The following BRF1 variants were observed in gnomAD, a reference collection of about 807,000 sequenced individuals.
The protein encoded by BRF1 is BRF1 general transcription factor IIIB subunit, also known as transcription factor IIIB 90 kDa subunit.
Under a neutral mutation model 81.7 loss-of-function variants are expected in BRF1, and 59 were observed. The ratio of observed to expected loss-of-function variants is 0.72; its 90% CI spans 0.59 to 0.90. The LOEUF is 0.90. Ranked by LOEUF, BRF1 falls within the 40% of genes least tolerant of loss-of-function variation. The probability of loss-of-function intolerance (pLI) is 0.00; values close to 1 mark genes in which losing one functional copy is unlikely to be tolerated. For missense variants in BRF1, 1,050 were observed against 936.3 expected, an observed-to-expected ratio of 1.12 and a Z score of -1.58; for synonymous variants, 491 against 395.6, an observed-to-expected ratio of 1.24 and a Z score of -2.86.
intron 8 of BRF1, 101 bp downstream of exon 8, chr14:105,226,533 C>G: frequency 6.4e-7 from 1 of 1,573,738 alleles, no homozygotes; most frequent in Non-Finnish European, 8.6e-7. Context: ...GGCTATGAGG[C>G]TTTGGGATGG....
In BRF1 at chr14:105,241,312, C is replaced by G. The variant is rs757115243; in HGVS notation, c.647G>C (p.Arg216Pro). 1.2e-6 allele frequency: 2 copies of G among 1,612,700 alleles called. No homozygotes were observed. The highest frequency in any genetic ancestry group is 2.2e-5 in the East Asian group (1 of 44,888). Residue 216 changes from arginine (R) to proline (P), a missense_variant, in exon 6 of 18, where the codon CGG becomes CCG. Arg to Pro is a moderately radical substitution (Grantham distance 103, BLOSUM62 -2). Around this residue, in one of 2 missense-constraint regions of BRF1, gnomAD observed 1,043 missense variants for 915.4 expected, o/e 1.14. Transcript: ENST00000547530. ...GCGCCGGCCTGTGTGCATCCAGTCC[C>G]GCTTCATCCTCTGTAGGAGCCTCAG... Reference protein sequence around the residue: ...TALRLLQRMKRDWMHTGRRPS... With the variant: ...TALRLLQRMKPDWMHTGRRPS...
At chr14:105,217,996 C>T (rs905098505) in intron 14 of BRF1, among the ~76,000 whole-genome samples, 196 bp from the exon 15 acceptor site, 1 of 152,116 alleles carries the variant, frequency 6.6e-6, no homozygotes, top group Middle Eastern at 3.2e-3. Context: ...ATCCTGCCCT[C>T]CCAGGTGAGT....
At chr14:105,254,247 G>GT (rs587740820) in intron 4 of BRF1, among the ~76,000 whole-genome samples, 110 of 152,266 alleles carry the variant, frequency 7.2e-4, no homozygotes, top group Non-Finnish European at 1.2e-3. Context: ...AACGCGTGCA[G>GT]TTTTTTTGTT....
chr14:105,302,430 C>T (rs1230905147), upstream of BRF1, among the ~76,000 whole-genome samples: 3 of 151,808 alleles, frequency 2.0e-5, no homozygotes, highest in Admixed American at 6.6e-5. Flanking sequence ...CTTGAACTCC[C>T]GACCTCAGGT....
chr14:105,291,398 G>A (rs1290387700), intron 1 of BRF1, among the ~76,000 whole-genome samples: 1 of 152,200 alleles, frequency 6.6e-6, no homozygotes, highest in Non-Finnish European at 1.5e-5. Flanking sequence ...AACTGGGGGC[G>A]GGCTCAGTGG....
At chr14:105,252,481 C>T (rs200105747) in intron 5 of BRF1, 26 bp downstream of exon 5, 9 of 1,611,846 alleles carry the variant, frequency 5.6e-6, no homozygotes, top group South Asian at 4.4e-5. Flanking sequence ...CTGCCGGACA[C>T]CCCAGCATCT....
upstream of BRF1, among the ~76,000 whole-genome samples, chr14:105,304,357 G>A: frequency 6.6e-6 from 1 of 152,090 alleles, no homozygotes; most frequent in Non-Finnish European, 1.5e-5. Context: ...GTGTGATGGT[G>A]GGCGCCTGTA....
Position 105,226,231 on chromosome 14 carries a change from T to TG in BRF1, c.955+19dup, listed in dbSNP as rs753149181. ...TTCCCAACAAAACAGAAGCATTACA[T>TG]GGGAAGATTGGTTGGTTACCTTCAA... On this transcript the variant is annotated intron_variant, in intron 9 of 17. Coordinates refer to ENST00000547530, the MANE Select transcript of BRF1 (RefSeq NM_001519.4). 5.0e-6 allele frequency: 8 copies of TG among 1,614,096 alleles called. No individual in the cohort carries two copies. The highest frequency in any genetic ancestry group is 6.8e-6 in the Non-Finnish European group (8 of 1,180,020).
intron 3 of BRF1, among the ~76,000 whole-genome samples, chr14:105,260,570 T>C (rs1472571590): frequency 6.6e-6 from 1 of 152,064 alleles, no homozygotes; most frequent in African/African-American, 2.4e-5. Flanking sequence ...GAGATGGGGT[T>C]TCACCATGTT....
At chr14:105,303,732 C>T (rs1369227994), upstream of BRF1, among the ~76,000 whole-genome samples, 1 of 152,162 alleles carries the variant, frequency 6.6e-6, no homozygotes, top group Non-Finnish European at 1.5e-5. Flanking sequence ...CCTCCCGGAT[C>T]CAAGGGTTAT....
chr14:105,307,732 C>T (rs145021392), intron 1 of BRF1, among the ~76,000 whole-genome samples: 148 of 152,334 alleles, frequency 9.7e-4, no homozygotes, highest in African/African-American at 3.4e-3. Context: ...TCCTCATCTG[C>T]ATAACAGGGA....
At chr14:105,307,494 C>G (rs587700673) in intron 1 of BRF1, among the ~76,000 whole-genome samples, 6 of 152,290 alleles carry the variant, frequency 3.9e-5, no homozygotes, top group Admixed American at 3.9e-4. Flanking sequence ...TCCCCACGTG[C>G]CCCTCCTCCT....
chr14:105,297,659 T>C (rs771158090), intron 1 of BRF1, among the ~76,000 whole-genome samples: 26 of 152,118 alleles, frequency 1.7e-4, no homozygotes, highest in Admixed American at 5.9e-4. Context: ...ACCAGGACTT[T>C]TGTACAGGTT....
chr14:105,300,303 A>G, intron 1 of BRF1, 143 bp downstream of exon 1: 2 of 950,300 alleles, frequency 2.1e-6, no homozygotes, highest in Non-Finnish European at 1.4e-6. Flanking sequence ...AAGGGGATCC[A>G]CACTCGCGCC....
chr14:105,215,710 GCACACACACACATGCA>G (rs1891064290), intron 15 of BRF1, among the ~76,000 whole-genome samples: 1 of 80,060 alleles, frequency 1.2e-5, no homozygotes. Flanking sequence ...ATGCACACAG[GCACACACACACATGCA>G]CACACACACA....
Position 105,210,689 on chromosome 14 carries a change from G to C in BRF1, c.1997-101C>G. 1 of 1,374,444 alleles carries C rather than the reference G, an allele frequency of 7.3e-7. No individual in the cohort carries two copies. The highest frequency in any genetic ancestry group is 1.0e-6 in the Non-Finnish European group (1 of 1,002,354). 85.1% of individuals were successfully genotyped at this position (1,374,444 alleles called of 1,614,324 possible). Reference sequence around the variant, plus strand: ...CCTGGTGCCCCCCTAGAAGACTCAGGCTCCAGCCCCAGCCCCAGCCCCCCG... The same window carrying C: ...CCTGGTGCCCCCCTAGAAGACTCAGCCTCCAGCCCCAGCCCCAGCCCCCCG... On this transcript the variant is annotated intron_variant, in intron 17 of 17. Coordinates refer to ENST00000547530, the MANE Select transcript of BRF1 (RefSeq NM_001519.4). This position sits in a 1 kb window ranked among gnomAD's most constrained non-coding sequence, Gnocchi z 4.7.
intron 2 of BRF1, among the ~76,000 whole-genome samples, chr14:105,281,045 C>G (rs1338086563): frequency 3.1e-5 from 4 of 128,388 alleles, no homozygotes; most frequent in Non-Finnish European, 4.9e-5. Context: ...GTGGATACAG[C>G]CTGCGTGACC....
intron 15 of BRF1, chr14:105,213,172 G>A (rs1890431016): frequency 6.6e-6 from 1 of 152,320 alleles, no homozygotes; most frequent in Admixed American, 6.5e-5. Flanking sequence ...GGGGGCCTCT[G>A]GGGATGGCAG....
chr14:105,261,807 A>C (rs1021410625), intron 3 of BRF1, among the ~76,000 whole-genome samples: 5 of 152,142 alleles, frequency 3.3e-5, no homozygotes, highest in African/African-American at 9.7e-5. Context: ...ATGGGACTGG[A>C]GAGGGGGACT....
Sources: gnomAD v4.1 joint callset for allele counts (sites outside exome capture counted in the v4.1 genomes callset) on GRCh38, gnomAD v4.1.1 for gene constraint, gnomAD v4.1.1 regional missense constraint, Gnocchi (gnomAD v3.1) non-coding constraint, MANE v1.5 for transcripts, NCBI Gene and HGNC (gene_info 2026-07-23, HGNC 2026-07-21) for gene names.